The following ADGRV1 variants were observed in gnomAD, a reference collection of about 807,000 sequenced individuals.
The protein encoded by ADGRV1 is G-protein coupled receptor 98.
ADGRV1 carries 359 observed loss-of-function variants against 596.2 expected under a neutral mutation model. That is an observed-to-expected ratio of 0.60 (90% CI 0.55 to 0.66). The LOEUF (loss-of-function observed/expected upper bound fraction) is 0.66, where lower values mean the gene tolerates loss of function less well. Ranked by LOEUF, ADGRV1 falls within the 30% of genes least tolerant of loss-of-function variation. The pLI, the probability that ADGRV1 is intolerant of heterozygous loss-of-function variation, is 0.00. For missense variants in ADGRV1, 7,274 were observed against 7,575.6 expected (o/e 0.96, Z 1.48); for synonymous variants, 2,681 against 2,679.2 (o/e 1.00, Z -0.02).
chr5:91,082,449 C>T (rs1789475669), intron 86 of ADGRV1, among the ~76,000 whole-genome samples: 1 of 152,080 alleles, frequency 6.6e-6, no homozygotes, highest in Non-Finnish European at 1.5e-5. Flanking sequence ...ACTTTGGGCT[C>T]CCGAGTAGCC....
intron 70 of ADGRV1, among the ~76,000 whole-genome samples, chr5:90,793,608 C>T (rs1055333648): frequency 2.6e-5 from 4 of 152,094 alleles, no homozygotes; most frequent in African/African-American, 9.7e-5. Context: ...TTTCACGGTA[C>T]CTGGAACATT....
intron 70 of ADGRV1, among the ~76,000 whole-genome samples, chr5:90,797,560 CA>C (rs2150164189): frequency 6.6e-6 from 1 of 152,248 alleles, no homozygotes; most frequent in African/African-American, 2.4e-5. Flanking sequence ...CAATATTAGA[CA>C]GATCAATGAG....
chr5:91,094,026 A>G (rs1291804032), intron 86 of ADGRV1, among the ~76,000 whole-genome samples: 1 of 151,538 alleles, frequency 6.6e-6, no homozygotes, highest in Non-Finnish European at 1.5e-5. Flanking sequence ...TAATTTTTGT[A>G]TTTTTAGTAG....
At position 90,789,742 on chromosome 5, in the gene ADGRV1, C is replaced by G; in HGVS notation, c.13934C>G (p.Ala4645Gly). Residue 4645 changes from alanine to glycine, a missense_variant, in exon 69 of 90, where the codon GCT (alanine) becomes GGT (glycine). This residue lies in a region of ADGRV1 where 3,643 missense variants were observed against 3,809.2 expected (regional missense o/e 0.96). Coordinates refer to ENST00000405460, the MANE Select transcript of ADGRV1 (RefSeq NM_032119.4). The part of the protein sequence containing the change: ...FGDPNGVVQF[A>G]PETLSKKTYS... ...GACCCAAATGGAGTTGTTCAGTTTG[C>G]TCCTGAAACTTTGTCTAAGAAGACT... 6.4e-7 allele frequency: 1 copy of G among 1,558,920 alleles called. No individual in the cohort carries two copies. The highest frequency in any genetic ancestry group is 1.2e-5 in the South Asian group (1 of 84,102).
intron 83 of ADGRV1, among the ~76,000 whole-genome samples, chr5:90,928,658 T>G: frequency 6.6e-6 from 1 of 150,726 alleles, no homozygotes; most frequent in Non-Finnish European, 1.5e-5. Flanking sequence ...CATCCAGCTT[T>G]GTTCCGTTGC....
chr5:90,806,673 C>T (rs374838253), intron 72 of ADGRV1, among the ~76,000 whole-genome samples: 16 of 152,016 alleles, frequency 1.1e-4, no homozygotes, highest in African/African-American at 2.2e-4. Flanking sequence ...AGTCTTCAAA[C>T]GCTTTTGTGA....
chr5:90,633,252 T>G (rs1245348678), intron 9 of ADGRV1, among the ~76,000 whole-genome samples: 1 of 152,190 alleles, frequency 6.6e-6, no homozygotes, highest in Admixed American at 6.5e-5. Context: ...ACATTTTCTT[T>G]TCCATCAGTT....
At chr5:90,597,344 T>G (rs1042152694) in intron 1 of ADGRV1, among the ~76,000 whole-genome samples, 2 of 152,258 alleles carry the variant, frequency 1.3e-5, no homozygotes, top group Admixed American at 6.5e-5. Flanking sequence ...AGTTGTATTC[T>G]TTTAGGCCTA....
intron 76 of ADGRV1, among the ~76,000 whole-genome samples, chr5:90,828,541 A>G (rs1223694751): frequency 1.3e-5 from 2 of 152,286 alleles, no homozygotes; most frequent in Non-Finnish European, 2.9e-5. Context: ...ACATATCATT[A>G]TACAGCTTGA....
At chr5:90,740,833 G>A (rs1452635947) in intron 50 of ADGRV1, among the ~76,000 whole-genome samples, 1 of 152,126 alleles carries the variant, frequency 6.6e-6, no homozygotes. Flanking sequence ...CAGTTCCCGG[G>A]GAATCTCTTG....
intron 45 of ADGRV1, among the ~76,000 whole-genome samples, chr5:90,721,270 C>T (rs1055151813): frequency 4.6e-5 from 7 of 152,036 alleles, no homozygotes; most frequent in African/African-American, 1.2e-4. Flanking sequence ...TTTGGAAGGC[C>T]GAGGCGGGTG....
chr5:90,577,859 A>G (rs1361572292), intron 1 of ADGRV1, among the ~76,000 whole-genome samples: 2 of 151,920 alleles, frequency 1.3e-5, no homozygotes, highest in African/African-American at 2.4e-5. Flanking sequence ...ATTCCTAGGT[A>G]TTTTATTCTC....
chr5:91,067,823 A>C (rs931080429), intron 85 of ADGRV1, among the ~76,000 whole-genome samples: 6 of 152,216 alleles, frequency 3.9e-5, no homozygotes, highest in Non-Finnish European at 7.3e-5. Context: ...CATAATTCAC[A>C]TGAAAAAAAT....
intron 85 of ADGRV1, among the ~76,000 whole-genome samples, chr5:91,063,311 C>T (rs924720244): frequency 2.6e-5 from 4 of 152,070 alleles, no homozygotes; most frequent in African/African-American, 9.7e-5. Flanking sequence ...TGCCTGGCAG[C>T]GGTGCTCGTG....
chr5:91,105,945 C>A (rs1197709124), intron 87 of ADGRV1, among the ~76,000 whole-genome samples: 1 of 149,706 alleles, frequency 6.7e-6, no homozygotes, highest in Admixed American at 6.6e-5. Context: ...TATTTATAAA[C>A]CTTTTATTTA....
chr5:91,000,709 T>TGTGTGTGTG (rs1581753755), intron 85 of ADGRV1, among the ~76,000 whole-genome samples: 12 of 147,718 alleles, frequency 8.1e-5, no homozygotes, highest in South Asian at 2.2e-4. Flanking sequence ...TGTGTGTGTG[T>TGTGTGTGTG]TTATAGACAT....
intron 59 of ADGRV1, among the ~76,000 whole-genome samples, chr5:90,768,312 A>G (rs1757352309): frequency 6.6e-6 from 1 of 152,028 alleles, no homozygotes; most frequent in Non-Finnish European, 1.5e-5. Context: ...CATTGTTTTT[A>G]TATGTCTAGT....
intron 83 of ADGRV1, among the ~76,000 whole-genome samples, chr5:90,948,582 T>C (rs1421057628): frequency 1.3e-5 from 2 of 152,056 alleles, no homozygotes; most frequent in African/African-American, 4.8e-5. Flanking sequence ...AGAAAACAAG[T>C]AGGGATGGTC....
At chr5:90,691,103 ACAGAT>A (rs1353419765) in intron 31 of ADGRV1, 62 bp downstream of exon 31, 1 of 1,581,118 alleles carries the variant, frequency 6.3e-7, no homozygotes, top group South Asian at 1.1e-5. Flanking sequence ...AGTGACTAGA[ACAGAT>A]GGCCATTGTA....
Sources: allele counts gnomAD v4.1 joint callset (sites outside exome capture counted in the v4.1 genomes callset), GRCh38; gene constraint gnomAD v4.1.1; regional missense constraint gnomAD v4.1.1; transcripts MANE v1.5; gene names NCBI Gene and HGNC (gene_info 2026-07-23, HGNC 2026-07-21).